GPC5: variants seen among roughly 807,000 people sequenced by gnomAD.
GPC5 encodes the protein glypican-5.
A neutral mutation model predicts 53.9 loss-of-function variants in GPC5; 47 were observed. The observed-to-expected ratio is 0.87, with a 90% CI of 0.69 to 1.11. The LOEUF (loss-of-function observed/expected upper bound fraction) is 1.11, where lower values mean the gene tolerates loss of function less well. Among genes scored for constraint, GPC5 ranks in the 50% most tolerant of loss-of-function variants. GPC5 has a pLI of 0.00. For missense variants in GPC5, 748 were observed against 713.1 expected, an observed-to-expected ratio of 1.05 and a Z score of -0.56; for synonymous variants, 286 against 263.3, an observed-to-expected ratio of 1.09 and a Z score of -0.84.
At chr13:91,976,639 C>G (rs1293976481) in intron 6 of GPC5, among the ~76,000 whole-genome samples, 1 of 152,186 alleles carries the variant, frequency 6.6e-6, no homozygotes, top group African/African-American at 2.4e-5. Context: ...ATCTCATTAT[C>G]TGGATGCAGT....
intron 6 of GPC5, among the ~76,000 whole-genome samples, chr13:91,962,692 C>T (rs1450541391): frequency 6.6e-6 from 1 of 151,958 alleles, no homozygotes; most frequent in African/African-American, 2.4e-5. Flanking sequence ...GCTTAATAGA[C>T]ATATCATATT....
intron 7 of GPC5, among the ~76,000 whole-genome samples, chr13:92,671,108 T>C (rs1305478451): frequency 5.3e-5 from 8 of 150,894 alleles, no homozygotes; most frequent in Admixed American, 4.6e-4. Context: ...AATAATATTA[T>C]TTATTCAACA....
intron 5 of GPC5, among the ~76,000 whole-genome samples, chr13:91,760,955 A>T: frequency 6.6e-6 from 1 of 152,220 alleles, no homozygotes; most frequent in East Asian, 1.9e-4. Context: ...TTCTGATTTA[A>T]GAAGAAAATA....
chr13:92,278,565 T>G (rs1381025463), intron 7 of GPC5, among the ~76,000 whole-genome samples: 1 of 151,780 alleles, frequency 6.6e-6, no homozygotes, highest in Admixed American at 6.6e-5. Flanking sequence ...CCCACTTATT[T>G]ATTTTTTCTT....
At chr13:92,698,389 T>C (rs1366082663) in intron 7 of GPC5, among the ~76,000 whole-genome samples, 2 of 152,042 alleles carry the variant, frequency 1.3e-5, no homozygotes, top group Non-Finnish European at 2.9e-5. Flanking sequence ...ATTGTTCAAT[T>C]CCCACCTATG....
intron 7 of GPC5, among the ~76,000 whole-genome samples, chr13:92,515,110 T>C (rs996576408): frequency 1.3e-5 from 2 of 152,142 alleles, no homozygotes; most frequent in Admixed American, 6.6e-5. Flanking sequence ...GTAAAGAGAA[T>C]AAAAACTAGA....
intron 7 of GPC5, among the ~76,000 whole-genome samples, chr13:92,160,150 T>C (rs2041976522): frequency 6.6e-6 from 1 of 152,142 alleles, no homozygotes; most frequent in Non-Finnish European, 1.5e-5. Context: ...CCTCAAGCGA[T>C]CCACTTGCCT....
chr13:92,488,153 A>G (rs902550035), intron 7 of GPC5, among the ~76,000 whole-genome samples: 1 of 152,136 alleles, frequency 6.6e-6, no homozygotes, highest in Non-Finnish European at 1.5e-5. Flanking sequence ...GTACAGGCAT[A>G]TAAGTTTGTA....
At chr13:92,436,540 G>T (rs1478609718) in intron 7 of GPC5, among the ~76,000 whole-genome samples, 1 of 151,978 alleles carries the variant, frequency 6.6e-6, no homozygotes, top group African/African-American at 2.4e-5. Context: ...TATTTCCCAG[G>T]CTACATGACA....
At chr13:92,536,908 G>A (rs1326436979) in intron 7 of GPC5, among the ~76,000 whole-genome samples, 6 of 151,976 alleles carry the variant, frequency 3.9e-5, no homozygotes, top group Non-Finnish European at 8.8e-5. Flanking sequence ...GTATATGTCT[G>A]TCTAATTCTT....
intron 6 of GPC5, among the ~76,000 whole-genome samples, chr13:91,921,236 C>T (rs893979230): frequency 9.9e-5 from 15 of 151,930 alleles, no homozygotes; most frequent in African/African-American, 3.1e-4. Flanking sequence ...CACTCCCGGA[C>T]CAATTTTATT....
At chr13:92,298,291 CTG>C (rs1004256054) in intron 7 of GPC5, among the ~76,000 whole-genome samples, 26 of 152,296 alleles carry the variant, frequency 1.7e-4, no homozygotes, top group African/African-American at 6.0e-4. Flanking sequence ...CTTCCCCTGA[CTG>C]TGGATTCTGC....
intron 7 of GPC5, among the ~76,000 whole-genome samples, chr13:92,756,833 G>T (rs1221592400): frequency 6.7e-6 from 1 of 150,338 alleles, no homozygotes; most frequent in Admixed American, 6.7e-5. Context: ...AATAAAAGAG[G>T]ATACAAACAA....
chr13:92,119,932 A>C (rs2041635186), intron 6 of GPC5, among the ~76,000 whole-genome samples: 2 of 152,272 alleles, frequency 1.3e-5, no homozygotes, highest in African/African-American at 4.8e-5. Context: ...ATATTTATAC[A>C]AAACAAGCTA....
intron 2 of GPC5, among the ~76,000 whole-genome samples, chr13:91,456,086 T>C (rs1299532494): frequency 1.3e-5 from 2 of 152,106 alleles, no homozygotes; most frequent in Non-Finnish European, 2.9e-5. Flanking sequence ...CCTCCCCAGA[T>C]AGTGAGATAA....
chr13:92,053,837 C>T (rs1179723791), intron 6 of GPC5, among the ~76,000 whole-genome samples: 4 of 151,784 alleles, frequency 2.6e-5, no homozygotes, highest in African/African-American at 9.7e-5. Context: ...TGAGACCAGC[C>T]TGGCCAACAT....
At chr13:92,658,211 A>G (rs1315410267) in intron 7 of GPC5, among the ~76,000 whole-genome samples, 1 of 152,146 alleles carries the variant, frequency 6.6e-6, no homozygotes, top group Non-Finnish European at 1.5e-5. Flanking sequence ...ACCATCATAC[A>G]TGAGATATGT....
At chr13:92,431,354 G>A (rs1287171092) in intron 7 of GPC5, among the ~76,000 whole-genome samples, 1 of 145,386 alleles carries the variant, frequency 6.9e-6, no homozygotes, top group African/African-American at 2.5e-5. Context: ...AATAACACAG[G>A]ACAACATGAC....
chr13:92,218,605 T>G (rs2042427427), intron 7 of GPC5, among the ~76,000 whole-genome samples: 1 of 152,280 alleles, frequency 6.6e-6, no homozygotes, highest in South Asian at 2.1e-4. Flanking sequence ...TTAATCTTCT[T>G]TACCTTAAAG....
Sources: allele counts gnomAD v4.1 joint callset (sites outside exome capture counted in the v4.1 genomes callset), GRCh38; gene constraint gnomAD v4.1.1; transcripts MANE v1.5; gene names NCBI Gene and HGNC (gene_info 2026-07-23, HGNC 2026-07-21).